Variants in CNTN4 observed in about 807,000 individuals in gnomAD.
CNTN4 encodes the protein contactin 4, also known as contactin-4.
CNTN4 carries 77 observed loss-of-function variants against 122.5 expected under a neutral mutation model. The ratio of observed to expected loss-of-function variants is 0.63; its 90% CI spans 0.52 to 0.76. The LOEUF (loss-of-function observed/expected upper bound fraction) is 0.76. Among genes scored for constraint, CNTN4 ranks in the 30% least tolerant of loss-of-function variants. The pLI is 0.00. For synonymous variants in CNTN4, 512 were observed against 447.0 expected, an observed-to-expected ratio of 1.15 and a Z score of -1.83; for missense variants, 1,256 against 1,259.1, an observed-to-expected ratio of 1.00 and a Z score of 0.04.
intron 6 of CNTN4, among the ~76,000 whole-genome samples, chr3:2,757,414 T>C (rs988526300): frequency 1.3e-5 from 2 of 152,198 alleles, no homozygotes; most frequent in East Asian, 3.9e-4. Context: ...TAGGTCATTT[T>C]CCCTGAATTC....
At chr3:2,970,841 G>C (rs927773603) in intron 13 of CNTN4, among the ~76,000 whole-genome samples, 1 of 152,080 alleles carries the variant, frequency 6.6e-6, no homozygotes, top group Admixed American at 6.5e-5. Context: ...AGGCTGGAGT[G>C]CAGTGGCGTG....
intron 2 of CNTN4, among the ~76,000 whole-genome samples, chr3:2,215,316 A>G (rs539740836): frequency 1.3e-5 from 2 of 152,290 alleles, no homozygotes; most frequent in East Asian, 1.9e-4. Context: ...ATTCTAGTTC[A>G]TTTATTTTAA....
At chr3:2,931,347 C>T (rs929179906) in intron 13 of CNTN4, among the ~76,000 whole-genome samples, 4 of 148,110 alleles carry the variant, frequency 2.7e-5, no homozygotes, top group Non-Finnish European at 4.6e-5. Context: ...TAGGAACTGA[C>T]GAATGGCAGT....
chr3:2,426,814 C>T (rs1008103558), intron 3 of CNTN4, among the ~76,000 whole-genome samples: 1 of 152,002 alleles, frequency 6.6e-6, no homozygotes, highest in Non-Finnish European at 1.5e-5. Flanking sequence ...TGTATGTGTC[C>T]AGAAATTTAT....
intron 4 of CNTN4, among the ~76,000 whole-genome samples, chr3:2,598,499 G>A (rs976678229): frequency 6.6e-6 from 1 of 152,210 alleles, no homozygotes; most frequent in East Asian, 1.9e-4. Flanking sequence ...ATATAGAATT[G>A]AATTTAGGGT....
At chr3:2,564,518 A>G (rs1385995378) in intron 3 of CNTN4, among the ~76,000 whole-genome samples, 1 of 152,196 alleles carries the variant, frequency 6.6e-6, no homozygotes, top group African/African-American at 2.4e-5. Context: ...TATTTTTGGC[A>G]TATATAACCT....
chr3:2,344,843 A>G (rs2044342316), intron 3 of CNTN4, among the ~76,000 whole-genome samples: 1 of 152,200 alleles, frequency 6.6e-6, no homozygotes, highest in Admixed American at 6.5e-5. Context: ...ATATTAGGCT[A>G]TCACATTAGA....
intron 3 of CNTN4, among the ~76,000 whole-genome samples, chr3:2,477,558 G>T (rs2075867898): frequency 6.6e-6 from 1 of 152,100 alleles, no homozygotes; most frequent in African/African-American, 2.4e-5. Flanking sequence ...CAGTTAGAAA[G>T]CACCTAGTCA....
At chr3:2,689,988 C>T (rs17018664) in intron 4 of CNTN4, among the ~76,000 whole-genome samples, 26,639 of 152,066 alleles carry the variant, frequency 0.18, 3,078 homozygotes, top group South Asian at 0.44. Flanking sequence ...GTCTTCTCAT[C>T]ACTTTCTATT....
Position 2,738,846 on chromosome 3 carries a change from A to T in CNTN4, c.182+2505A>T, listed in dbSNP as rs570643638. ...TACATATTTATGACTTTGGGGAAGG[A>T]AGAGATTTTCTAAATATGACAGAAA... On this transcript the variant is annotated intron_variant, in intron 5 of 24. Transcript: ENST00000418658. 6.6e-5 allele frequency among the ~76,000 whole-genome samples: 10 copies of T among 152,232 alleles called. No individual in the cohort carries two copies. The South Asian group carries it at 1.9e-3, about 28-fold the overall frequency.
chr3:3,013,914 T>A (rs1462717011), intron 14 of CNTN4, among the ~76,000 whole-genome samples: 1 of 152,158 alleles, frequency 6.6e-6, no homozygotes. Flanking sequence ...CTATTTGTTA[T>A]AACCTAGGCT....
At chr3:2,972,347 GAC>G (rs1355470843) in intron 13 of CNTN4, among the ~76,000 whole-genome samples, 2 of 151,802 alleles carry the variant, frequency 1.3e-5, no homozygotes, top group Admixed American at 6.6e-5. Flanking sequence ...TACACATACA[GAC>G]ACACACACTC....
chr3:2,267,137 TC>T (rs1212812328), intron 2 of CNTN4, among the ~76,000 whole-genome samples: 1 of 152,112 alleles, frequency 6.6e-6, no homozygotes, highest in African/African-American at 2.4e-5. Context: ...TCACCTCCTT[TC>T]CTGGCTTCTG....
chr3:2,706,078 G>A (rs2086716995), intron 4 of CNTN4, among the ~76,000 whole-genome samples: 1 of 147,354 alleles, frequency 6.8e-6, no homozygotes, highest in Non-Finnish European at 1.5e-5. Context: ...AAAACACTAA[G>A]TGTAAAGTTC....
intron 4 of CNTN4, among the ~76,000 whole-genome samples, chr3:2,602,654 G>A (rs2081095026): frequency 6.6e-6 from 1 of 152,226 alleles, no homozygotes; most frequent in South Asian, 2.1e-4. Context: ...CATGAAAATG[G>A]CCATACTGTC....
intron 2 of CNTN4, among the ~76,000 whole-genome samples, chr3:2,220,193 C>T (rs1447083298): frequency 6.6e-6 from 1 of 152,092 alleles, no homozygotes; most frequent in African/African-American, 2.4e-5. Context: ...GTCAGTTTGT[C>T]CATTTTCTGG....
intron 2 of CNTN4, among the ~76,000 whole-genome samples, chr3:2,165,070 C>G (rs563543854): frequency 6.6e-6 from 1 of 152,092 alleles, no homozygotes; most frequent in Non-Finnish European, 1.5e-5. Context: ...CGCCTGTAAT[C>G]GCAGCACTTT....
Position 2,320,891 on chromosome 3 carries a change from AT to A in CNTN4, c.-144-18285del, listed in dbSNP as rs561065161. On this transcript the variant is annotated intron_variant, in intron 2 of 24. Coordinates refer to ENST00000418658, the MANE Select transcript of CNTN4 (RefSeq NM_175607.3). ...TGCTCTAAGGGAAACAACAGTTATA[AT>A]TAGGAATAATTATAACAGCAGCAGT... 1.8e-3 allele frequency among the ~76,000 whole-genome samples: 271 copies of A among 152,280 alleles called. 1 individual carries two copies. Among genetic ancestry groups the A allele is most frequent in the African/African-American group, 6.0e-3 (251 of 41,582 alleles).
chr3:2,515,249 G>A (rs1330033858), intron 3 of CNTN4, among the ~76,000 whole-genome samples: 1 of 152,054 alleles, frequency 6.6e-6, no homozygotes, highest in Non-Finnish European at 1.5e-5. Flanking sequence ...TGTATAGATT[G>A]CCCATGTTAA....
Sources: allele counts gnomAD v4.1 joint callset (sites outside exome capture counted in the v4.1 genomes callset), GRCh38; gene constraint gnomAD v4.1.1; transcripts MANE v1.5; gene names NCBI Gene and HGNC (gene_info 2026-07-23, HGNC 2026-07-21).